The following DCUN1D5 variants were observed in gnomAD, a reference collection of about 807,000 sequenced individuals.
The protein encoded by DCUN1D5 is DCN1-like protein 5.
Under a neutral mutation model 38.3 loss-of-function variants are expected in DCUN1D5, and 10 were observed. The observed-to-expected ratio is 0.26, with a 90% CI of 0.16 to 0.44. DCUN1D5 has a LOEUF of 0.44. DCUN1D5 is among the 20% of genes least tolerant of loss of function. The probability of loss-of-function intolerance (pLI) is 1.00; values close to 1 mark genes in which losing one functional copy is unlikely to be tolerated. For missense variants in DCUN1D5, 148 were observed against 275.3 expected (o/e 0.54, Z 3.27); for synonymous variants, 93 against 90.9 (o/e 1.02, Z -0.13).
chr11:103,056,479 A>G lies in DCUN1D5; in HGVS notation c.*5880T>C, dbSNP rs759674976. On this transcript the variant is annotated 3_prime_UTR_variant, in exon 8 of 8. Transcript: ENST00000260247. The surrounding 1 kb of genome is among the most constrained non-coding windows in gnomAD (Gnocchi z 4.9). ...TCCTCAGGCCTCTGCTCAATGTCAC[A>G]TATCAGTGTACATGCTACTTAATAG... 2.6e-5 allele frequency among the ~76,000 whole-genome samples: 4 copies of G among 152,086 alleles called. No individual in the cohort carries two copies. The highest frequency in any genetic ancestry group is 6.5e-5 in the Admixed American group (1 of 15,280).
intron 4 of DCUN1D5, among the ~76,000 whole-genome samples, chr11:103,075,318 C>G (rs1407136641): frequency 1.3e-5 from 2 of 152,136 alleles, no homozygotes; most frequent in African/African-American, 4.8e-5. Context: ...TCTATGTAAT[C>G]ACCATCACTC....
At chr11:103,089,869 C>G (rs1380467858) in intron 1 of DCUN1D5, among the ~76,000 whole-genome samples, 1 of 151,920 alleles carries the variant, frequency 6.6e-6, no homozygotes, top group African/African-American at 2.4e-5. Flanking sequence ...CAAAAAAACA[C>G]TAAAAGTTAA....
chr11:103,089,574 C>T (rs540133347), intron 1 of DCUN1D5, among the ~76,000 whole-genome samples: 19 of 151,970 alleles, frequency 1.3e-4, no homozygotes, highest in African/African-American at 1.9e-4. Flanking sequence ...AAGTTATTTC[C>T]GCACATTTTA....
chr11:103,085,152 A>G (rs1371564928), intron 2 of DCUN1D5, among the ~76,000 whole-genome samples: 1 of 152,086 alleles, frequency 6.6e-6, no homozygotes, highest in African/African-American at 2.4e-5. Context: ...TAGAAACATC[A>G]GCATAAGCTA....
rs1862329794 is a variant in DCUN1D5 at position 103,073,462 on chromosome 11, C to G, written c.342-6895G>C. ...TAAAATTTATATGGAAAAGCAAATA[C>G]ACTAGAATACCTAAAACAATTTTGA... is the stretch of plus-strand genomic sequence containing the variant. On this transcript the variant is annotated intron_variant, in intron 4 of 7. Transcript: ENST00000260247. The surrounding 1 kb of genome is among the most constrained non-coding windows in gnomAD (Gnocchi z 4.2). Among the ~76,000 whole-genome samples, 1 of 152,106 alleles carries G rather than the reference C, an allele frequency of 6.6e-6. No individual in the cohort carries two copies. The highest frequency in any genetic ancestry group is 1.9e-4 in the East Asian group (1 of 5,196).
chr11:103,073,490 C>T lies in DCUN1D5; in HGVS notation c.342-6923G>A, dbSNP rs1006917491. Among the ~76,000 whole-genome samples the T allele has an allele frequency of 1.3e-5, 2 of 152,168 alleles. No homozygotes were observed. Among genetic ancestry groups the T allele is most frequent in the African/African-American group, 4.8e-5 (2 of 41,436 alleles). On this transcript the variant is annotated intron_variant, in intron 4 of 7. Coordinates refer to ENST00000260247, the MANE Select transcript of DCUN1D5 (RefSeq NM_032299.4). The surrounding 1 kb of genome is among the most constrained non-coding windows in gnomAD (Gnocchi z 4.2). Reference sequence around the variant, plus strand: ...TAGAATACCTAAAACAATTTTGAAACAGGATGCATAAGTCTACCTGATTTC... The same window carrying T: ...TAGAATACCTAAAACAATTTTGAAATAGGATGCATAAGTCTACCTGATTTC...
chr11:103,080,985 G>C (rs1188086156), intron 4 of DCUN1D5, among the ~76,000 whole-genome samples: 2 of 151,666 alleles, frequency 1.3e-5, no homozygotes, highest in Non-Finnish European at 2.9e-5. Flanking sequence ...CTGTAGCCTG[G>C]CGACAAAGCA....
In DCUN1D5 at chr11:103,072,659, G is replaced by A. The variant is rs1773116733; in HGVS notation, c.342-6092C>T. On this transcript the variant is annotated intron_variant, in intron 4 of 7. Coordinates refer to ENST00000260247, the MANE Select transcript of DCUN1D5 (RefSeq NM_032299.4). ...CATCATTCTGAGCAAACTATCACAG[G>A]ACAGAAAACCAAACACTGCATGTTC... 2.7e-5 allele frequency among the ~76,000 whole-genome samples: 4 copies of A among 150,222 alleles called. No homozygotes were observed. In the South Asian group the frequency reaches 8.4e-4, roughly 32 times the overall value.
In DCUN1D5 at chr11:103,081,216, T is replaced by C. The variant is rs185530256; in HGVS notation, c.341+1532A>G. Reference sequence around the variant, plus strand: ...ATATACAGCCACTTGTTAGCTGAGATACTTCAAAAAGCAGTATTTAAAGAG... The same window carrying C: ...ATATACAGCCACTTGTTAGCTGAGACACTTCAAAAAGCAGTATTTAAAGAG... On this transcript the variant is annotated intron_variant, in intron 4 of 7. Transcript: ENST00000260247. Among the ~76,000 whole-genome samples, 3 of 152,352 alleles carry C rather than the reference T, an allele frequency of 2.0e-5. No individual in the cohort carries two copies. The East Asian group carries it at 5.8e-4, about 29-fold the overall frequency.
Position 103,060,608 on chromosome 11 carries a change from C to T in DCUN1D5, c.*1751G>A, listed in dbSNP as rs991314769. 7.2e-5 allele frequency among the ~76,000 whole-genome samples: 11 copies of T among 152,046 alleles called. No individual in the cohort carries two copies. The highest frequency in any genetic ancestry group is 2.7e-4 in the African/African-American group (11 of 41,408). On this transcript the variant is annotated 3_prime_UTR_variant, in exon 8 of 8. Transcript: ENST00000260247. ...GATGCCTGTGCTTTCATAAATATAC[C>T]TTTTAAAAAACATGTCATCTATAAG...
Position 103,071,114 on chromosome 11 carries a change from GC to G in DCUN1D5, c.342-4548del, listed in dbSNP as rs2134611800. On this transcript the variant is annotated intron_variant, in intron 4 of 7. Transcript: ENST00000260247. This position sits in a 1 kb window ranked among gnomAD's most constrained non-coding sequence, Gnocchi z 4.1. ...ATACACACATTAGAAAAAAGAAAAA[GC>G]CTTAATCAACAATCTAAGCTTGTAC... 6.6e-6 allele frequency among the ~76,000 whole-genome samples: 1 copy of G among 152,076 alleles called. No individual in the cohort carries two copies. Among genetic ancestry groups the G allele is most frequent in the East Asian group, 1.9e-4 (1 of 5,180 alleles).
At position 103,059,061 on chromosome 11, in the gene DCUN1D5, A is replaced by T. The variant is rs1861947023; in HGVS notation, c.*3298T>A. Among the ~76,000 whole-genome samples the T allele has an allele frequency of 6.6e-6, 1 of 152,140 alleles. No individual in the cohort carries two copies. The highest frequency in any genetic ancestry group is 2.4e-5 in the African/African-American group (1 of 41,430). Reference sequence around the variant, plus strand: ...GCCTTGAAGGCCAGAACAAAGTTTTATCAGAGATGAATTATCACAATAGTT... The same window carrying T: ...GCCTTGAAGGCCAGAACAAAGTTTTTTCAGAGATGAATTATCACAATAGTT... On this transcript the variant is annotated 3_prime_UTR_variant, in exon 8 of 8. Transcript: ENST00000260247.
intron 4 of DCUN1D5, among the ~76,000 whole-genome samples, chr11:103,067,864 T>C (rs140404593): frequency 4.3e-4 from 66 of 152,256 alleles, no homozygotes; most frequent in East Asian, 7.7e-4. Context: ...TTTAACAAGA[T>C]TGTAGTACAT....
At position 103,051,149 on chromosome 11, in the gene DCUN1D5, GTTGGTGGTCTGTCA is replaced by G. The variant is rs1176528608; in HGVS notation, c.*11196_*11209del. ...TCAAGAACCAGATTTCCCTTATTCA[GTTGGTGGTCTGTCA>G]TCTTTTTTCCAATTATTTTGTAACA... On this transcript the variant is annotated 3_prime_UTR_variant, in exon 8 of 8. Coordinates refer to ENST00000260247, the MANE Select transcript of DCUN1D5 (RefSeq NM_032299.4). 1 of 152,170 alleles carries G rather than the reference GTTGGTGGTCTGTCA, an allele frequency of 6.6e-6. No individual in the cohort carries two copies. The highest frequency in any genetic ancestry group is 6.5e-5 in the Admixed American group (1 of 15,278). The allele number at this position is 152,170 out of a possible 1,614,324, so 9.4% of individuals were successfully genotyped here. A position where few individuals can be genotyped will look rare whatever the true frequency, so the allele number is the denominator to read the frequency against.
rs1434498047 is a variant in DCUN1D5 at position 103,064,064 on chromosome 11, G to A, written c.658+211C>T. Among the ~76,000 whole-genome samples, 1 of 152,014 alleles carries A rather than the reference G, an allele frequency of 6.6e-6. No individual in the cohort carries two copies. Among genetic ancestry groups the A allele is most frequent in the African/African-American group, 2.4e-5 (1 of 41,400 alleles). ...TTTAGCTAAAATGTTTGGTTGCCGA[G>A]GAACTGAAAACATTTCATTTACCAG... On this transcript the variant is annotated intron_variant, in intron 7 of 7. Transcript: ENST00000260247. The surrounding 1 kb of genome is among the most constrained non-coding windows in gnomAD (Gnocchi z 4.5).
rs999559301 is a variant in DCUN1D5, at chr11:103,071,851, T to G, written c.342-5284A>C. On this transcript the variant is annotated intron_variant, in intron 4 of 7. Transcript: ENST00000260247. The surrounding 1 kb of genome is among the most constrained non-coding windows in gnomAD (Gnocchi z 4.1). The stretch of plus-strand genomic sequence containing the variant: ...AGAATTATACCAAACCTTTAAAGAC[T>G]TATTCCACATCTCTCTCAAAACATA... Among the ~76,000 whole-genome samples the G allele has an allele frequency of 1.3e-5, 2 of 151,112 alleles. No individual in the cohort carries two copies. Among genetic ancestry groups the G allele is most frequent in the African/African-American group, 4.8e-5 (2 of 41,346 alleles).
chr11:103,064,443 A>C lies in DCUN1D5; in HGVS notation c.556-66T>G. 8.0e-7 allele frequency: 1 copy of C among 1,257,806 alleles called. No homozygotes were observed. The highest frequency in any genetic ancestry group is 1.1e-6 in the Non-Finnish European group (1 of 919,976). The allele number at this position is 1,257,806 out of a possible 1,614,324, so 77.9% of individuals were successfully genotyped here. A position where few individuals can be genotyped will look rare whatever the true frequency, so the allele number is the denominator to read the frequency against. ...CAAACATCATTTACTCAATTTAGTA[A>C]ACTAAGTTTTAACTGTTTTTGTGAT... On this transcript the variant is annotated intron_variant, in intron 6 of 7. Coordinates refer to ENST00000260247, the MANE Select transcript of DCUN1D5 (RefSeq NM_032299.4). The surrounding 1 kb of genome is among the most constrained non-coding windows in gnomAD (Gnocchi z 4.5).
At chr11:103,081,475 T>C (rs930576333) in intron 4 of DCUN1D5, among the ~76,000 whole-genome samples, 2 of 152,222 alleles carry the variant, frequency 1.3e-5, no homozygotes, top group African/African-American at 4.8e-5. Flanking sequence ...CCTAAATGTA[T>C]GGCAGAATTC....
Position 103,091,858 on chromosome 11 carries a change from C to T in DCUN1D5, c.15G>A (p.Lys5=). The T allele has an allele frequency of 6.2e-7, 1 of 1,613,780 alleles. No homozygotes were observed. Among genetic ancestry groups the T allele is most frequent in the Admixed American group, 1.7e-5 (1 of 60,022 alleles). Reference sequence around the variant, plus strand: ...CTGCCACCCCAGGGGATTTTCTCTTCTTCTTCACCGGCATCTTCCGCCCTC... The same window carrying T: ...CTGCCACCCCAGGGGATTTTCTCTTTTTCTTCACCGGCATCTTCCGCCCTC... MPVK[K]KRKSPGVAAA... The change falls in exon 1 of 8, where the codon AAG becomes AAA. Residue 5 remains lysine, a synonymous_variant. Transcript: ENST00000260247. This position sits in a 1 kb window ranked among gnomAD's most constrained non-coding sequence, Gnocchi z 4.3.
Sources: gnomAD v4.1 joint callset for allele counts (sites outside exome capture counted in the v4.1 genomes callset) on GRCh38, gnomAD v4.1.1 for gene constraint, Gnocchi (gnomAD v3.1) non-coding constraint, MANE v1.5 for transcripts, NCBI Gene and HGNC (gene_info 2026-07-23, HGNC 2026-07-21) for gene names.